CA1: variants seen among roughly 807,000 people sequenced by gnomAD.
CA1 encodes carbonate dehydratase I.
A neutral mutation model predicts 28.8 loss-of-function variants in CA1; 27 were observed. That is an observed-to-expected ratio of 0.94 (90% CI 0.69 to 1.29). The LOEUF (loss-of-function observed/expected upper bound fraction) is 1.29. Ranked by LOEUF, CA1 falls within the 50% of genes most tolerant of loss-of-function variation. The pLI, the probability that CA1 is intolerant of heterozygous loss-of-function variation, is 0.00. For missense variants in CA1, 335 were observed against 310.5 expected (o/e 1.08, Z -0.59); for synonymous variants, 121 against 108.8 (o/e 1.11, Z -0.70).
intron 1 of CA1, among the ~76,000 whole-genome samples, chr8:85,351,142 C>G (rs754125692): frequency 1.3e-5 from 2 of 152,228 alleles, no homozygotes; most frequent in Non-Finnish European, 2.9e-5. Context: ...ATACTACACA[C>G]TTGCCAAATT....
At chr8:85,365,225 A>C (rs530100306) in intron 1 of CA1, among the ~76,000 whole-genome samples, 2 of 152,260 alleles carry the variant, frequency 1.3e-5, no homozygotes, top group Non-Finnish European at 2.9e-5. Flanking sequence ...GGTGACTTCT[A>C]TGAACTTCCA....
intron 1 of CA1, among the ~76,000 whole-genome samples, chr8:85,353,431 T>C (rs575947442): frequency 1.2e-4 from 18 of 152,346 alleles, no homozygotes; most frequent in African/African-American, 4.3e-4. Flanking sequence ...TTATTTCATA[T>C]ATTTAAAGAG....
Position 85,329,671 on chromosome 8 carries a change from A to C in CA1, c.669+18T>G, listed in dbSNP as rs772780606. 19 of 1,602,582 alleles carry C rather than the reference A, an allele frequency of 1.2e-5. No individual in the cohort carries two copies. In the East Asian group the frequency reaches 4.0e-4, roughly 34 times the overall value. ...TTCCTGCTACGCATTCCCAGTTCCC[A>C]TTCATTCACAACTCTACCTGCTCTG... On this transcript the variant is annotated intron_variant, in intron 7 of 7. Coordinates refer to ENST00000523022, the MANE Select transcript of CA1 (RefSeq NM_001128831.4).
chr8:85,332,665 C>T, intron 5 of CA1, 113 bp from the exon 6 acceptor site: 1 of 773,650 alleles, frequency 1.3e-6, no homozygotes, highest in Non-Finnish European at 2.2e-6. Flanking sequence ...AAGGTATTTT[C>T]TCTCTGCTTT....
At chr8:85,338,876 G>A (rs1808796704) in intron 2 of CA1, among the ~76,000 whole-genome samples, 1 of 151,614 alleles carries the variant, frequency 6.6e-6, no homozygotes, top group Admixed American at 6.6e-5. Context: ...ACCATGCCTG[G>A]CCAATTTTTT....
intron 1 of CA1, among the ~76,000 whole-genome samples, chr8:85,372,163 A>G (rs1164612806): frequency 2.6e-5 from 4 of 152,186 alleles, no homozygotes; most frequent in Non-Finnish European, 4.4e-5. Flanking sequence ...ATCATGGACG[A>G]TGGACCATAT....
chr8:85,356,233 T>C (rs992093643), intron 1 of CA1, among the ~76,000 whole-genome samples: 4 of 152,212 alleles, frequency 2.6e-5, no homozygotes, highest in Non-Finnish European at 5.9e-5. Flanking sequence ...TAACCTTCTA[T>C]TTGCACAATT....
chr8:85,355,547 TC>T (rs1809571174), intron 1 of CA1, among the ~76,000 whole-genome samples: 1 of 145,294 alleles, frequency 6.9e-6, no homozygotes, highest in Admixed American at 6.8e-5. Flanking sequence ...TATGTCTAGT[TC>T]CTTTTTTTTT....
At chr8:85,360,416 G>A (rs1416004384) in intron 1 of CA1, among the ~76,000 whole-genome samples, 1 of 152,192 alleles carries the variant, frequency 6.6e-6, no homozygotes, top group East Asian at 1.9e-4. Context: ...CGTTGGCTGG[G>A]TGTAGTGGCT....
chr8:85,363,526 C>A (rs1809882140), intron 1 of CA1, among the ~76,000 whole-genome samples: 1 of 152,230 alleles, frequency 6.6e-6, no homozygotes. Context: ...GTGTTGGTTA[C>A]TGTTGCCATC....
rs898255126 is a variant in CA1, at chr8:85,328,282, CA to C, written c.*277del. On this transcript the variant is annotated 3_prime_UTR_variant, in exon 8 of 8. Coordinates refer to ENST00000523022, the MANE Select transcript of CA1 (RefSeq NM_001128831.4). ...AAATAAACTGAAAAAAATAGACATA[CA>C]AATCACTTAGTTGTAATTTTAAAGA... 1 of 233,092 alleles carries C rather than the reference CA, an allele frequency of 4.3e-6. No homozygotes were observed. Among genetic ancestry groups the C allele is most frequent in the African/African-American group, 2.3e-5 (1 of 43,830 alleles). The allele number at this position is 233,092 out of a possible 1,614,324, so 14.4% of individuals were successfully genotyped here. A position where few individuals can be genotyped will look rare whatever the true frequency, so the allele number is the denominator to read the frequency against.
intron 1 of CA1, among the ~76,000 whole-genome samples, chr8:85,374,559 A>G (rs1017961040): frequency 6.6e-6 from 1 of 152,184 alleles, no homozygotes; most frequent in Non-Finnish European, 1.5e-5. Flanking sequence ...AGACATTATC[A>G]GATACATTCC....
At chr8:85,364,547 T>G (rs1161286318) in intron 1 of CA1, among the ~76,000 whole-genome samples, 1 of 152,228 alleles carries the variant, frequency 6.6e-6, no homozygotes, top group East Asian at 1.9e-4. Flanking sequence ...TTTTGTCGAT[T>G]TATTTCTACA....
chr8:85,357,012 A>G (rs1809628628), intron 1 of CA1, among the ~76,000 whole-genome samples: 1 of 152,208 alleles, frequency 6.6e-6, no homozygotes, highest in Admixed American at 6.5e-5. Context: ...CACAAATATT[A>G]TATATGAATG....
intron 4 of CA1, among the ~76,000 whole-genome samples, chr8:85,336,128 T>C (rs1246366848): frequency 6.6e-6 from 1 of 152,192 alleles, no homozygotes; most frequent in Non-Finnish European, 1.5e-5. Flanking sequence ...AATGAAATAC[T>C]ATGCTGACAG....
chr8:85,373,777 A>G lies in CA1; in HGVS notation c.-25+4269T>C, dbSNP rs142593381. On this transcript the variant is annotated intron_variant, in intron 1 of 7. Coordinates refer to ENST00000523022, the MANE Select transcript of CA1 (RefSeq NM_001128831.4). Reference sequence around the variant, plus strand: ...GCCTTAAAAAGAAATGATACATGCTACAATATGGAGGAAGATTGAAGACAC... The same window carrying G: ...GCCTTAAAAAGAAATGATACATGCTGCAATATGGAGGAAGATTGAAGACAC... Among the ~76,000 whole-genome samples, 622 of 152,322 alleles carry G rather than the reference A, an allele frequency of 4.1e-3. 3 individuals carry two copies. Among genetic ancestry groups the G allele is most frequent in the Middle Eastern group, 0.02 (6 of 294 alleles).
At chr8:85,357,479 C>A (rs1016358143) in intron 1 of CA1, among the ~76,000 whole-genome samples, 3 of 152,128 alleles carry the variant, frequency 2.0e-5, no homozygotes, top group Admixed American at 1.3e-4. Flanking sequence ...ATAATATAGG[C>A]CAGGTGTCTA....
At chr8:85,356,709 G>A (rs1377810694) in intron 1 of CA1, among the ~76,000 whole-genome samples, 1 of 152,096 alleles carries the variant, frequency 6.6e-6, no homozygotes, top group Non-Finnish European at 1.5e-5. Flanking sequence ...TCTGCAAGAA[G>A]AGATAACTCG....
chr8:85,355,521 T>C (rs1476638773), intron 1 of CA1, among the ~76,000 whole-genome samples: 1 of 149,604 alleles, frequency 6.7e-6, no homozygotes, highest in Non-Finnish European at 1.5e-5. Context: ...CAGCTGGGAC[T>C]ACAGGTGCAC....
Sources: allele counts gnomAD v4.1 joint callset (sites outside exome capture counted in the v4.1 genomes callset), GRCh38; gene constraint gnomAD v4.1.1; transcripts MANE v1.5; gene names NCBI Gene and HGNC (gene_info 2026-07-23, HGNC 2026-07-21).